TNIP1: variants seen among roughly 807,000 people sequenced by gnomAD.
The protein encoded by TNIP1 is TNFAIP3-interacting protein 1.
In TNIP1, 22 loss-of-function variants were observed where a neutral mutation model predicts 86.6. The ratio of observed to expected loss-of-function variants is 0.25; its 90% CI spans 0.18 to 0.36. The LOEUF (loss-of-function observed/expected upper bound fraction) is 0.36. Ranked by LOEUF, TNIP1 falls within the 10% of genes least tolerant of loss-of-function variation. TNIP1 has a pLI of 1.00. For missense variants in TNIP1, 709 were observed against 820.6 expected (o/e 0.86, Z 1.66); for synonymous variants, 294 against 313.0 (o/e 0.94, Z 0.64).
At chr5:151,036,944 C>A (rs1163511543) in intron 12 of TNIP1, 23 bp from the exon 13 acceptor site, 1 of 1,573,080 alleles carries the variant, frequency 6.4e-7, no homozygotes, top group East Asian at 2.3e-5. Context: ...AAAGATGGGA[C>A]CATCAGCAGG....
chr5:151,042,998 G>T (rs750652206), intron 9 of TNIP1, 37 bp from the exon 10 acceptor site: 1 of 1,610,516 alleles, frequency 6.2e-7, no homozygotes, highest in African/African-American at 1.3e-5. Flanking sequence ...GAGATGAGCA[G>T]AGAAGGAACA....
chr5:151,039,172 C>T lies in TNIP1; in HGVS notation c.1188G>A (p.Lys396=), dbSNP rs1480273049. The T allele has an allele frequency of 6.2e-7, 1 of 1,614,014 alleles. No homozygotes were observed. Among genetic ancestry groups the T allele is most frequent in the East Asian group, 2.2e-5 (1 of 44,878 alleles). The part of the protein sequence containing the change: ...AEAKELRQKV[K]YLQDQLSPLT... ...GTGGGCTCAGCTGATCCTGCAGGTA[C>T]TTGACCTTTTGGCGCAGCTCCTTGG... Residue 396 remains lysine, a synonymous_variant, in exon 12 of 18, where the codon AAG becomes AAA. Transcript: ENST00000521591.
chr5:151,073,582 T>TGTGTGTGTGTGTGTGTGTGTGTGTGTGTG (rs1554080258), intron 1 of TNIP1, among the ~76,000 whole-genome samples: 1 of 150,200 alleles, frequency 6.7e-6, no homozygotes, highest in African/African-American at 2.5e-5. Flanking sequence ...CAAAAACACA[T>TGTGTGTGTGTGTGTGTGTGTGTGTGTGTG]TGTGTGTGTG....
Position 151,030,178 on chromosome 5 carries a change from G to T in TNIP1, c.*535C>A. On this transcript the variant is annotated 3_prime_UTR_variant, in exon 18 of 18. Coordinates refer to ENST00000521591, the MANE Select transcript of TNIP1 (RefSeq NM_006058.5). Reference sequence around the variant, plus strand: ...GCTACTGTGAGTGGTGGTGGAGAGGGCCCCAGAGCCAGAATATCCATCATT... The same window carrying T: ...GCTACTGTGAGTGGTGGTGGAGAGGTCCCCAGAGCCAGAATATCCATCATT... The T allele has an allele frequency of 2.2e-6, 1 of 456,476 alleles. No homozygotes were observed. Among genetic ancestry groups the T allele is most frequent in the South Asian group, 1.5e-5 (1 of 64,564 alleles). The allele number at this position is 456,476 out of a possible 1,614,324, so 28.3% of individuals were successfully genotyped here.
At chr5:151,084,660 G>C (rs767354267), upstream of TNIP1, among the ~76,000 whole-genome samples, 3 of 152,064 alleles carry the variant, frequency 2.0e-5, no homozygotes, top group Non-Finnish European at 4.4e-5. Flanking sequence ...AATCAAACAA[G>C]AACATTCCTC....
At chr5:151,057,386 G>A (rs1436313294) in intron 5 of TNIP1, among the ~76,000 whole-genome samples, 1 of 152,182 alleles carries the variant, frequency 6.6e-6, no homozygotes, top group African/African-American at 2.4e-5. Context: ...ATATCCATGG[G>A]TTCCGCATCC....
Position 151,056,839 on chromosome 5 carries a change from C to T in TNIP1, c.554G>A (p.Gly185Asp), listed in dbSNP as rs775346136. 6.9e-6 allele frequency: 11 copies of T among 1,603,250 alleles called. No homozygotes were observed. The highest frequency in any genetic ancestry group is 9.4e-6 in the Non-Finnish European group (11 of 1,175,256). The stretch of plus-strand genomic sequence containing the variant: ...TCGGTTGAACTCCAGGGCCATGCGG[C>T]CCAGGTGGGTGAAGAGCTGGCCGTG... ...PDHGQLFTHL[G>D]RMALEFNRLA... Residue 185 changes from glycine (G) to aspartate (D), a missense_variant, in exon 6 of 18, where the codon GGC (glycine) becomes GAC (aspartate). Transcript: ENST00000521591.
chr5:151,047,689 A>G (rs1169065441), intron 8 of TNIP1, among the ~76,000 whole-genome samples: 1 of 151,896 alleles, frequency 6.6e-6, no homozygotes, highest in Non-Finnish European at 1.5e-5. Context: ...ATACCAAAAT[A>G]AAAAGGTTTA....
chr5:151,031,638 G>C (rs371633221), intron 17 of TNIP1, among the ~76,000 whole-genome samples: 1 of 152,248 alleles, frequency 6.6e-6, no homozygotes, highest in East Asian at 1.9e-4. Context: ...ACCATGCTCC[G>C]CAGGCCTGCA....
intron 7 of TNIP1, among the ~76,000 whole-genome samples, chr5:151,050,533 A>G (rs1185525577): frequency 6.6e-6 from 1 of 152,256 alleles, no homozygotes; most frequent in East Asian, 1.9e-4. Flanking sequence ...TTTTAAGTAA[A>G]AAGATGAATC....
At chr5:151,077,907 G>A (rs1051930206) in intron 1 of TNIP1, among the ~76,000 whole-genome samples, 2 of 152,204 alleles carry the variant, frequency 1.3e-5, no homozygotes, top group Non-Finnish European at 2.9e-5. Flanking sequence ...ACCGAGGAGA[G>A]GCTGATTCCA....
chr5:151,031,549 CA>C (rs1427979812), intron 17 of TNIP1, among the ~76,000 whole-genome samples: 1 of 152,284 alleles, frequency 6.6e-6, no homozygotes, highest in African/African-American at 2.4e-5. Context: ...GCTTTTCAAA[CA>C]GAAATATGGT....
rs1429538228 is a variant in TNIP1 at position 151,034,968 on chromosome 5, T to C, written c.1587+34A>G. 1.9e-6 allele frequency: 3 copies of C among 1,611,674 alleles called. No individual in the cohort carries two copies. In the African/African-American group the frequency reaches 4.0e-5, roughly 22 times the overall value. ...TAGCTCCATGAGGAAGGTAAGAGGATGTCAGTGCTGCTACCTCCCTCAAGC... is the reference window on the plus strand; with the variant it reads ...TAGCTCCATGAGGAAGGTAAGAGGACGTCAGTGCTGCTACCTCCCTCAAGC... On this transcript the variant is annotated intron_variant, in intron 15 of 17. Coordinates refer to ENST00000521591, the MANE Select transcript of TNIP1 (RefSeq NM_006058.5).
Position 151,035,344 on chromosome 5 carries a change from A to G in TNIP1, c.1521+238T>C, listed in dbSNP as rs536016754. On this transcript the variant is annotated intron_variant, in intron 14 of 17. Transcript: ENST00000521591. ...ACATCTTTTAGTTCCACTCTGGGAG[A>G]GTAAAGCCCAGAACTGACTGTGGAA... Among the ~76,000 whole-genome samples, 26 of 152,348 alleles carry G rather than the reference A, an allele frequency of 1.7e-4. No homozygotes were observed. In the East Asian group the frequency reaches 4.0e-3, roughly 24 times the overall value.
At chr5:151,083,968 C>T (rs1243064525), upstream of TNIP1, among the ~76,000 whole-genome samples, 1 of 152,228 alleles carries the variant, frequency 6.6e-6, no homozygotes, top group Non-Finnish European at 1.5e-5. Context: ...CCACATTTCA[C>T]AGATGAAACT....
At chr5:151,043,200 A>G (rs867680479) in intron 9 of TNIP1, among the ~76,000 whole-genome samples, 1 of 152,204 alleles carries the variant, frequency 6.6e-6, no homozygotes, top group Non-Finnish European at 1.5e-5. Flanking sequence ...CATGGAAACT[A>G]CATAGTTTTG....
At chr5:151,081,720 G>T (rs1764040738), upstream of TNIP1, among the ~76,000 whole-genome samples, 1 of 152,160 alleles carries the variant, frequency 6.6e-6, no homozygotes, top group Non-Finnish European at 1.5e-5. Flanking sequence ...AAAAAGGTTA[G>T]ATGACCTCAG....
In TNIP1 at chr5:151,036,884, G is replaced by A; in HGVS notation, c.1301C>T (p.Ser434Leu). The change falls in exon 13 of 18, where the codon TCA becomes TTA. Residue 434 changes from serine to leucine, a missense_variant. Transcript: ENST00000521591. ...EEALSIQTPP[S>L]SPPTAFGSPE... The stretch of plus-strand genomic sequence containing the variant: ...GCTCCCAAATGCTGTTGGTGGAGAT[G>A]ATGGCGGGGTTTGGATGCTCAGTGC... The A allele has an allele frequency of 6.2e-7, 1 of 1,612,786 alleles. No individual in the cohort carries two copies. Among genetic ancestry groups the A allele is most frequent in the Non-Finnish European group, 8.5e-7 (1 of 1,179,310 alleles).
rs754950708 is a variant in TNIP1, at chr5:151,036,779, G to A, written c.1395+11C>T. ...AGCACCTCCCACCTGATTTCCTCCC[G>A]GAAGCCTCACCTGCTGTTTCAGCAA... On this transcript the variant is annotated intron_variant, in intron 13 of 17. Coordinates refer to ENST00000521591, the MANE Select transcript of TNIP1 (RefSeq NM_006058.5). The A allele has an allele frequency of 9.2e-5, 149 of 1,613,774 alleles. No individual in the cohort carries two copies. The highest frequency in any genetic ancestry group is 1.2e-4 in the Non-Finnish European group (139 of 1,179,870).
Sources: gnomAD v4.1 joint callset for allele counts (sites outside exome capture counted in the v4.1 genomes callset) on GRCh38, gnomAD v4.1.1 for gene constraint, MANE v1.5 for transcripts, NCBI Gene and HGNC (gene_info 2026-07-23, HGNC 2026-07-21) for gene names.